FIP1L1: variants seen among roughly 807,000 people sequenced by gnomAD.
FIP1L1 encodes the protein factor interacting with PAPOLA and CPSF1, also known as pre-mRNA 3'-end-processing factor FIP1.
Under a neutral mutation model 84.6 loss-of-function variants are expected in FIP1L1, and 21 were observed. The observed-to-expected ratio is 0.25, with a 90% CI of 0.18 to 0.36. The LOEUF is 0.36. Among genes scored for constraint, FIP1L1 ranks in the 10% least tolerant of loss-of-function variants. The pLI, the probability that FIP1L1 is intolerant of heterozygous loss-of-function variation, is 1.00. For synonymous variants in FIP1L1, 263 were observed against 242.3 expected, an observed-to-expected ratio of 1.09 and a Z score of -0.80; for missense variants, 526 against 751.1, an observed-to-expected ratio of 0.70 and a Z score of 3.50.
intron 9 of FIP1L1, among the ~76,000 whole-genome samples, chr4:53,396,626 G>A (rs1245000951): frequency 1.3e-5 from 2 of 151,498 alleles, no homozygotes; most frequent in Admixed American, 6.6e-5. Flanking sequence ...GGCTGGTCTC[G>A]AACTCCTGAC....
chr4:53,440,016 A>G (rs1349490797), intron 13 of FIP1L1, among the ~76,000 whole-genome samples: 2 of 151,954 alleles, frequency 1.3e-5, no homozygotes, highest in Non-Finnish European at 2.9e-5. Flanking sequence ...CTGGGGGTGT[A>G]TATATATGAA....
chr4:53,434,611 A>C (rs767186792), intron 13 of FIP1L1, among the ~76,000 whole-genome samples: 1 of 151,930 alleles, frequency 6.6e-6, no homozygotes, highest in Non-Finnish European at 1.5e-5. Flanking sequence ...AGCTGGGATT[A>C]CCAGCATGTA....
chr4:53,388,621 C>T (rs968982977), intron 5 of FIP1L1, among the ~76,000 whole-genome samples: 33 of 152,210 alleles, frequency 2.2e-4, no homozygotes, highest in Non-Finnish European at 1.3e-4. Context: ...AGGCGTGAGC[C>T]GCCGTGCCCG....
At chr4:53,402,770 G>A (rs1750969917) in intron 10 of FIP1L1, among the ~76,000 whole-genome samples, 1 of 152,156 alleles carries the variant, frequency 6.6e-6, no homozygotes, top group Non-Finnish European at 1.5e-5. Context: ...AATTGGTGGT[G>A]TAAGACAGGG....
intron 13 of FIP1L1, among the ~76,000 whole-genome samples, chr4:53,430,176 A>G (rs1167563436): frequency 6.6e-6 from 1 of 152,140 alleles, no homozygotes; most frequent in Non-Finnish European, 1.5e-5. Flanking sequence ...GTTCAGTACT[A>G]ATTATTAAAG....
intron 10 of FIP1L1, among the ~76,000 whole-genome samples, chr4:53,404,265 G>GT (rs1358352471): frequency 1.4e-5 from 2 of 147,634 alleles, no homozygotes; most frequent in Non-Finnish European, 3.0e-5. Context: ...GCGGTGTTTG[G>GT]TTTTTTGTTC....
At chr4:53,404,612 C>G (rs9684802) in intron 10 of FIP1L1, among the ~76,000 whole-genome samples, 146,617 of 150,062 alleles carry the variant, frequency 0.98, 71,735 homozygotes, top group Middle Eastern at 1. Flanking sequence ...GGTTGAACTA[C>G]TTTACAGTCC....
intron 16 of FIP1L1, among the ~76,000 whole-genome samples, 162 bp downstream of exon 16, chr4:53,453,295 C>T (rs1717117963): frequency 6.6e-6 from 1 of 152,138 alleles, no homozygotes; most frequent in African/African-American, 2.4e-5. Context: ...CTTCCCATTA[C>T]CTTGAACAGT....
chr4:53,389,889 T>G lies in FIP1L1; in HGVS notation c.397+16T>G. On this transcript the variant is annotated intron_variant, in intron 6 of 17. Coordinates refer to ENST00000337488, the MANE Select transcript of FIP1L1 (RefSeq NM_030917.4). ...GGAACTACAGGTAAAATTTGTATTT[T>G]CTGTTGCATCAATAGGGAAATAAGG... 1 of 1,579,414 alleles carries G rather than the reference T, an allele frequency of 6.3e-7. No individual in the cohort carries two copies. The highest frequency in any genetic ancestry group is 8.6e-7 in the Non-Finnish European group (1 of 1,162,552).
chr4:53,388,304 T>C (rs947566369), intron 5 of FIP1L1, among the ~76,000 whole-genome samples: 5 of 151,638 alleles, frequency 3.3e-5, no homozygotes, highest in African/African-American at 1.2e-4. Context: ...GTGAGAAATA[T>C]ATCATTATAA....
Position 53,391,460 on chromosome 4 carries a change from G to A in FIP1L1, c.667G>A (p.Gly223Ser). 1 of 1,613,368 alleles carries A rather than the reference G, an allele frequency of 6.2e-7. No homozygotes were observed. The change falls in exon 9 of 18, where the codon GGT becomes AGT. Residue 223 changes from glycine (G) to serine (S), a missense_variant. By Grantham distance (56) the Gly-to-Ser change is moderately conservative (BLOSUM62 0). Around this residue, in one of 6 missense-constraint regions of FIP1L1, gnomAD observed 169 missense variants for 206.9 expected, o/e 0.82. Coordinates refer to ENST00000337488, the MANE Select transcript of FIP1L1 (RefSeq NM_030917.4). ...AGACTGTACTATGGAAGTTACACCA[G>A]GTGCAGAGATCCAAGATGGCAGATT... is the stretch of plus-strand genomic sequence containing the variant. ...AEDCTMEVTPGAEIQDGRFNL... is the reference protein window; with the variant it reads ...AEDCTMEVTPSAEIQDGRFNL...
At chr4:53,421,152 T>C (rs1762253112) in intron 11 of FIP1L1, among the ~76,000 whole-genome samples, 1 of 152,200 alleles carries the variant, frequency 6.6e-6, no homozygotes, top group Admixed American at 6.5e-5. Context: ...AATCAAATGA[T>C]AGCTAGGCAC....
intron 17 of FIP1L1, 26 bp downstream of exon 17, chr4:53,458,816 C>T (rs867696699): frequency 6.2e-7 from 1 of 1,602,258 alleles, no homozygotes; most frequent in Non-Finnish European, 8.5e-7. Flanking sequence ...AAATAGTGAA[C>T]CAATAGTATG....
intron 10 of FIP1L1, among the ~76,000 whole-genome samples, chr4:53,409,294 T>G (rs979420885): frequency 6.6e-6 from 1 of 152,198 alleles, no homozygotes; most frequent in African/African-American, 2.4e-5. Flanking sequence ...CCAGCAGCGG[T>G]GGCTGCAGAA....
chr4:53,459,551 CTGTT>C lies in FIP1L1; in HGVS notation c.*107_*110del, dbSNP rs779132227. 20 of 1,521,970 alleles carry C rather than the reference CTGTT, an allele frequency of 1.3e-5. No homozygotes were observed. The African/African-American group carries it at 1.5e-4, about 12-fold the overall frequency. 94.3% of individuals were successfully genotyped at this position (1,521,970 alleles called of 1,614,324 possible). A position where few individuals can be genotyped will look rare whatever the true frequency, so the allele number is the denominator to read the frequency against. On this transcript the variant is annotated 3_prime_UTR_variant, in exon 18 of 18. Coordinates refer to ENST00000337488, the MANE Select transcript of FIP1L1 (RefSeq NM_030917.4). Reference sequence around the variant, plus strand: ...TAAGAAATTTACCTTAAATCTTGTTCTGTTTGTTAGTATGAAAAGTTAACTTTTT... The same window carrying C: ...TAAGAAATTTACCTTAAATCTTGTTCTGTTAGTATGAAAAGTTAACTTTTT...
intron 11 of FIP1L1, among the ~76,000 whole-genome samples, chr4:53,421,304 T>TA (rs1762312904): frequency 6.6e-6 from 1 of 152,226 alleles, no homozygotes; most frequent in Non-Finnish European, 1.5e-5. Context: ...TTTTGGTTGG[T>TA]AACCACTATC....
chr4:53,381,887 C>T (rs1171673866), intron 3 of FIP1L1, among the ~76,000 whole-genome samples: 7 of 150,884 alleles, frequency 4.6e-5, no homozygotes, highest in South Asian at 2.1e-4. Flanking sequence ...TTCAGCCTTC[C>T]GAGTAGCTGG....
chr4:53,458,471 T>A, intron 16 of FIP1L1, 182 bp from the exon 17 acceptor site: 1 of 486,898 alleles, frequency 2.1e-6, no homozygotes, highest in Non-Finnish European at 3.6e-6. Flanking sequence ...GCTCTAGTGC[T>A]ATTTTGAGAA....
At chr4:53,437,180 T>C (rs1403645868) in intron 13 of FIP1L1, among the ~76,000 whole-genome samples, 1 of 151,578 alleles carries the variant, frequency 6.6e-6, no homozygotes, top group Admixed American at 6.6e-5. Context: ...TGCAAAAAAT[T>C]AGCTGAGCAT....
Sources: gnomAD v4.1 joint callset for allele counts (sites outside exome capture counted in the v4.1 genomes callset) on GRCh38, gnomAD v4.1.1 for gene constraint, gnomAD v4.1.1 regional missense constraint, MANE v1.5 for transcripts, NCBI Gene and HGNC (gene_info 2026-07-23, HGNC 2026-07-21) for gene names.